C10orf90: variants seen among roughly 807,000 people sequenced by gnomAD.
C10orf90 encodes chromosome 10 open reading frame 90.
Under a neutral mutation model 62.5 loss-of-function variants are expected in C10orf90, and 56 were observed. That is an observed-to-expected ratio of 0.90 (90% CI 0.72 to 1.12). C10orf90 has a LOEUF of 1.12. C10orf90 is among the 50% of genes most tolerant of loss of function. The pLI, the probability that C10orf90 is intolerant of heterozygous loss-of-function variation, is 0.00. For synonymous variants in C10orf90, 386 were observed against 340.4 expected, an observed-to-expected ratio of 1.13 and a Z score of -1.47; for missense variants, 970 against 880.4, an observed-to-expected ratio of 1.10 and a Z score of -1.29.
intron 2 of C10orf90, among the ~76,000 whole-genome samples, chr10:126,516,982 C>T (rs1025129471): frequency 2.0e-5 from 3 of 152,138 alleles, no homozygotes; most frequent in African/African-American, 4.8e-5. Context: ...AGATTGGGCC[C>T]ACCTGGAAAA....
intron 4 of C10orf90, among the ~76,000 whole-genome samples, chr10:126,500,830 A>G (rs12257727): frequency 0.024 from 3,691 of 152,258 alleles, 126 homozygotes; most frequent in African/African-American, 0.084. Flanking sequence ...CATATCCTGG[A>G]GGCTCATTCA....
chr10:126,495,586 G>A (rs897609663), intron 4 of C10orf90, among the ~76,000 whole-genome samples: 3 of 152,048 alleles, frequency 2.0e-5, no homozygotes, highest in African/African-American at 7.2e-5. Context: ...AGAATTAATG[G>A]GCTGGCTTTA....
chr10:126,596,989 A>G (rs1307129607), intron 2 of C10orf90, among the ~76,000 whole-genome samples: 1 of 152,194 alleles, frequency 6.6e-6, no homozygotes, highest in Admixed American at 6.5e-5. Flanking sequence ...GCAAATTAAA[A>G]CCACAATGAG....
At chr10:126,538,811 G>T (rs1864305035) in intron 2 of C10orf90, among the ~76,000 whole-genome samples, 1 of 152,160 alleles carries the variant, frequency 6.6e-6, no homozygotes, top group East Asian at 1.9e-4. Context: ...GCTTATTCTA[G>T]ATATGGCTCC....
At chr10:126,565,059 AAT>A (rs1319860121) in intron 2 of C10orf90, among the ~76,000 whole-genome samples, 16 of 20,006 alleles carry the variant, frequency 8.0e-4, no homozygotes, top group African/African-American at 2.5e-3. Context: ...TAATATATAA[AAT>A]ATATATTATA....
intron 7 of C10orf90, among the ~76,000 whole-genome samples, chr10:126,445,826 T>TATATATATAC (rs57867349): frequency 0.034 from 4,853 of 144,666 alleles, 138 homozygotes; most frequent in African/African-American, 0.072. Flanking sequence ...TATATATATA[T>TATATATATAC]ACAATGGAAT....
rs201676891 is a variant in C10orf90, at chr10:126,663,856, T to TTCTAAGGA, written c.240+6377_240+6384dup. 8.0e-3 allele frequency among the ~76,000 whole-genome samples: 1,223 copies of TTCTAAGGA among 152,276 alleles called. 13 individuals are homozygous for TTCTAAGGA. Among genetic ancestry groups the TTCTAAGGA allele is most frequent in the Middle Eastern group, 0.027 (8 of 294 alleles). On this transcript the variant is annotated intron_variant, in intron 1 of 9. Coordinates refer to ENST00000488181, the MANE Select transcript of C10orf90 (RefSeq NM_001350921.2). ...CCCAGGGGTCTGAATTCTCAGAAAG[T>TTCTAAGGA]TCTAAGGATTCTAAAGTACACTAAG...
intron 2 of C10orf90, among the ~76,000 whole-genome samples, chr10:126,586,110 C>T (rs2134022295): frequency 6.6e-6 from 1 of 152,300 alleles, no homozygotes; most frequent in South Asian, 2.1e-4. Flanking sequence ...GTCCTAATTC[C>T]ATGCTTTTGG....
intron 2 of C10orf90, among the ~76,000 whole-genome samples, chr10:126,599,401 C>T (rs1418363218): frequency 1.3e-5 from 2 of 151,536 alleles, no homozygotes; most frequent in East Asian, 1.9e-4. Context: ...GGGGTTTCAC[C>T]GTGTTAGCCA....
intron 7 of C10orf90, among the ~76,000 whole-genome samples, chr10:126,438,991 C>A (rs1858120321): frequency 6.6e-6 from 1 of 152,146 alleles, no homozygotes; most frequent in Non-Finnish European, 1.5e-5. Context: ...TTCATGGCCA[C>A]TCCATTGGTA....
chr10:126,612,733 G>A (rs1051939732), intron 2 of C10orf90, among the ~76,000 whole-genome samples: 22 of 152,196 alleles, frequency 1.4e-4, no homozygotes, highest in African/African-American at 5.3e-4. Context: ...AAACCTGGAT[G>A]TCTCAGATGA....
At chr10:126,647,953 T>C (rs1039438063) in intron 1 of C10orf90, among the ~76,000 whole-genome samples, 10 of 152,154 alleles carry the variant, frequency 6.6e-5, no homozygotes, top group Non-Finnish European at 1.5e-5. Flanking sequence ...GTGTTCCAAA[T>C]GTTGTTTTTG....
chr10:126,568,140 A>G (rs1844431295), intron 2 of C10orf90, among the ~76,000 whole-genome samples: 1 of 151,282 alleles, frequency 6.6e-6, no homozygotes, highest in African/African-American at 2.4e-5. Flanking sequence ...GCTGTCTAAC[A>G]AAAAACCACA....
At chr10:126,632,010 C>T (rs567072351) in intron 2 of C10orf90, among the ~76,000 whole-genome samples, 14 of 152,126 alleles carry the variant, frequency 9.2e-5, no homozygotes, top group African/African-American at 3.1e-4. Context: ...TGGAGAGCAG[C>T]CCCAGAATCC....
At chr10:126,645,880 C>T (rs888744650) in intron 2 of C10orf90, among the ~76,000 whole-genome samples, 4 of 152,150 alleles carry the variant, frequency 2.6e-5, no homozygotes, top group Admixed American at 2.0e-4. Flanking sequence ...TCATCTGCCA[C>T]ATTTATAAAT....
At chr10:126,616,290 C>T (rs563080174) in intron 2 of C10orf90, among the ~76,000 whole-genome samples, 56 of 152,216 alleles carry the variant, frequency 3.7e-4, no homozygotes, top group African/African-American at 1.3e-3. Flanking sequence ...CTGCAGTGGC[C>T]CTCTTCCGAC....
chr10:126,650,443 C>T (rs561032622), intron 1 of C10orf90, among the ~76,000 whole-genome samples: 60 of 152,280 alleles, frequency 3.9e-4, no homozygotes, highest in African/African-American at 1.3e-3. Flanking sequence ...CTCACAGGAT[C>T]GTCCAACAAC....
intron 1 of C10orf90, among the ~76,000 whole-genome samples, chr10:126,657,867 C>T (rs1056993068): frequency 5.9e-5 from 9 of 152,094 alleles, no homozygotes; most frequent in Admixed American, 1.3e-4. Context: ...CTGCCTGCCT[C>T]GGCCTCCCAA....
At chr10:126,429,953 C>T (rs542954400) in intron 7 of C10orf90, 103 bp from the exon 8 acceptor site, 1 of 1,026,266 alleles carries the variant, frequency 9.7e-7, no homozygotes, top group South Asian at 1.4e-5. Context: ...GATCCTTATT[C>T]TAAGCCATAT....
Sources: gnomAD v4.1 joint callset for allele counts (sites outside exome capture counted in the v4.1 genomes callset) on GRCh38, gnomAD v4.1.1 for gene constraint, MANE v1.5 for transcripts, NCBI Gene and HGNC (gene_info 2026-07-23, HGNC 2026-07-21) for gene names.